AIRIM: variants seen among roughly 807,000 people sequenced by gnomAD.
AIRIM encodes the protein AFG2-interacting ribosome maturation factor.
At chr1:37,687,059 A>AGTGTGTGTGTGTGTGT in the AIRIM span, among the ~76,000 whole-genome samples, 1 of 141,292 alleles carries the variant, frequency 7.1e-6, no homozygotes, top group Non-Finnish European at 1.5e-5. Context: ...CCGTCTCAAA[A>AGTGTGTGTGTGTGTGT]GTGTGTGTGT....
chr1:37,690,255 G>C, the AIRIM span: 58 of 1,291,332 alleles, frequency 4.5e-5, no homozygotes, highest in Non-Finnish European at 5.1e-5. Context: ...AAAGTGCTGG[G>C]ATTACAGGCG....
chr1:37,683,223 G>A, the AIRIM span: 2 of 1,605,582 alleles, frequency 1.2e-6, no homozygotes, highest in Non-Finnish European at 8.5e-7. Flanking sequence ...AACACACAGA[G>A]GCACAGCAAG....
chr1:37,683,401 C>T, the AIRIM span: 1 of 1,614,066 alleles, frequency 6.2e-7, no homozygotes, highest in Non-Finnish European at 8.5e-7. Context: ...AGTCTCCCCA[C>T]TGGATAGACG....
the AIRIM span, chr1:37,686,446 G>A: frequency 6.2e-7 from 1 of 1,612,586 alleles, no homozygotes; most frequent in Non-Finnish European, 8.5e-7. Context: ...CCTTGAGGAG[G>A]ATGGCTCTGC....
the AIRIM span, among the ~76,000 whole-genome samples, chr1:37,684,375 C>T: frequency 3.2e-4 from 48 of 152,302 alleles, no homozygotes; most frequent in African/African-American, 1.1e-3. Flanking sequence ...GTGGCTCGAG[C>T]CTGTAATCTC....
chr1:37,686,432 C>T, the AIRIM span: 53 of 1,613,606 alleles, frequency 3.3e-5, no homozygotes, highest in South Asian at 3.0e-4. Context: ...GACCATGTCT[C>T]GCACCTTGAG....
chr1:37,688,012 A>T, the AIRIM span, among the ~76,000 whole-genome samples: 1 of 150,964 alleles, frequency 6.6e-6, no homozygotes, highest in Non-Finnish European at 1.5e-5. Context: ...CTGAGCTGCC[A>T]TACCCAGCTG....
At chr1:37,689,714 C>G in the AIRIM span, 7 of 1,613,906 alleles carry the variant, frequency 4.3e-6, no homozygotes, top group Admixed American at 8.3e-5. Context: ...ATCCTCAAAC[C>G]GCAGGTTCTG....
the AIRIM span, among the ~76,000 whole-genome samples, chr1:37,685,402 CAG>C: frequency 6.9e-6 from 1 of 145,954 alleles, no homozygotes; most frequent in East Asian, 2.1e-4. Flanking sequence ...TTTTTGGAGA[CAG>C]AGTTTCACTT....
At chr1:37,686,547 T>C in the AIRIM span, 4 of 1,266,760 alleles carry the variant, frequency 3.2e-6, no homozygotes, top group Admixed American at 4.3e-5. Context: ...GACTACATGA[T>C]TCTCTGTTGT....
At chr1:37,689,263 C>A in the AIRIM span, among the ~76,000 whole-genome samples, 6 of 152,194 alleles carry the variant, frequency 3.9e-5, no homozygotes, top group African/African-American at 1.4e-4. Flanking sequence ...TATACATAAA[C>A]CCCTTAGCTC....
At chr1:37,686,367 C>T in the AIRIM span, 1 of 1,614,158 alleles carries the variant, frequency 6.2e-7, no homozygotes, top group Non-Finnish European at 8.5e-7. Flanking sequence ...GCATCAATGC[C>T]AACTGTGTCT....
At chr1:37,689,460 G>A in the AIRIM span, 1 of 952,718 alleles carries the variant, frequency 1.0e-6, no homozygotes, top group Non-Finnish European at 1.5e-6. Flanking sequence ...AGGTCCCACT[G>A]CCCCAGATGA....
At chr1:37,686,203 C>T in the AIRIM span, 9 of 1,422,562 alleles carry the variant, frequency 6.3e-6, no homozygotes, top group South Asian at 1.0e-4. Context: ...GTTTTCCAAT[C>T]TTGTGAAAAC....
the AIRIM span, among the ~76,000 whole-genome samples, chr1:37,685,347 CTA>C: frequency 4.0e-5 from 6 of 150,464 alleles, no homozygotes; most frequent in African/African-American, 1.5e-4. Context: ...GTAGCTGGGA[CTA>C]TAGCTGCACA....
the AIRIM span, chr1:37,690,454 A>T: frequency 1.6e-6 from 2 of 1,263,408 alleles, no homozygotes; most frequent in Non-Finnish European, 1.0e-6. Flanking sequence ...AAAGCGGAAA[A>T]ACTTAAAAGT....
At chr1:37,684,993 T>C in the AIRIM span, among the ~76,000 whole-genome samples, 2 of 147,788 alleles carry the variant, frequency 1.4e-5, no homozygotes, top group Non-Finnish European at 3.0e-5. Flanking sequence ...CCCCATCTCC[T>C]AGGCAAAAAA....
chr1:37,685,189 T>TC, the AIRIM span, among the ~76,000 whole-genome samples: 1 of 53,262 alleles, frequency 1.9e-5, no homozygotes, highest in South Asian at 1.0e-3. Flanking sequence ...GAATGCTTTT[T>TC]TTTGGGGGGG....
the AIRIM span, chr1:37,682,039 G>A: frequency 6.6e-6 from 1 of 152,092 alleles, no homozygotes; most frequent in Non-Finnish European, 1.5e-5. Flanking sequence ...GCAATATAGT[G>A]AGACCCTATC....
Sources: gnomAD v4.1 joint callset for allele counts (sites outside exome capture counted in the v4.1 genomes callset) on GRCh38, gnomAD v4.1.1 for gene constraint, MANE v1.5 for transcripts, NCBI Gene and HGNC (gene_info 2026-07-23, HGNC 2026-07-21) for gene names.